HIPK3: variants seen among roughly 807,000 people sequenced by gnomAD.
HIPK3 encodes homeodomain-interacting protein kinase 3.
Under a neutral mutation model 124.2 loss-of-function variants are expected in HIPK3, and 47 were observed. That is an observed-to-expected ratio of 0.38 (90% CI 0.30 to 0.48). HIPK3 has a LOEUF of 0.48. HIPK3 is among the 20% of genes least tolerant of loss of function. The pLI, the probability that HIPK3 is intolerant of heterozygous loss-of-function variation, is 0.98. For missense variants in HIPK3, 1,286 were observed against 1,454.3 expected, an observed-to-expected ratio of 0.88 and a Z score of 1.88; for synonymous variants, 482 against 515.2, an observed-to-expected ratio of 0.94 and a Z score of 0.87.
At chr11:33,335,709 AG>A (rs1156624559) in intron 3 of HIPK3, 1 of 151,834 alleles carries the variant, frequency 6.6e-6, no homozygotes, top group East Asian at 1.9e-4. Context: ...GCTCAGAGGG[AG>A]GAAGAAATAG....
intron 3 of HIPK3, among the ~76,000 whole-genome samples, chr11:33,330,701 G>A (rs181283741): frequency 4.6e-5 from 7 of 152,128 alleles, no homozygotes; most frequent in Non-Finnish European, 7.4e-5. Flanking sequence ...TTTTGTGGGC[G>A]TCTTTGTTTT....
chr11:33,258,308 G>A, intron 1 of HIPK3: 2 of 985,400 alleles, frequency 2.0e-6, no homozygotes, highest in Non-Finnish European at 1.2e-6. Flanking sequence ...GTCCTAGGCC[G>A]TAACTACGGA....
intron 2 of HIPK3, among the ~76,000 whole-genome samples, chr11:33,316,299 A>T (rs1852500867): frequency 6.6e-6 from 1 of 152,220 alleles, no homozygotes; most frequent in African/African-American, 2.4e-5. Context: ...TTTGACAGTC[A>T]TCCTTCTGTT....
At chr11:33,277,532 C>G (rs1851304643) in intron 1 of HIPK3, among the ~76,000 whole-genome samples, 2 of 152,158 alleles carry the variant, frequency 1.3e-5, no homozygotes, top group South Asian at 4.1e-4. Flanking sequence ...ATGAGCCACA[C>G]TTGTACTGCA....
intron 1 of HIPK3, among the ~76,000 whole-genome samples, chr11:33,273,292 C>T (rs1367586805): frequency 6.6e-6 from 1 of 151,964 alleles, no homozygotes; most frequent in Non-Finnish European, 1.5e-5. Context: ...ATCACGAGGT[C>T]AGGAGATCAA....
chr11:33,347,208 A>C (rs1853520249), intron 8 of HIPK3, 85 bp from the exon 9 acceptor site: 1 of 1,315,344 alleles, frequency 7.6e-7, no homozygotes, highest in Non-Finnish European at 1.0e-6. Context: ...TCAGAATCTA[A>C]GCAATTCTTG....
chr11:33,340,904 G>T, intron 6 of HIPK3, 64 bp from the exon 7 acceptor site: 1 of 979,022 alleles, frequency 1.0e-6, no homozygotes, highest in Non-Finnish European at 1.5e-6. Flanking sequence ...TTTTGTCAAT[G>T]TACCTCAATT....
intron 2 of HIPK3, among the ~76,000 whole-genome samples, chr11:33,319,560 A>T (rs947823452): frequency 5.3e-5 from 8 of 151,092 alleles, no homozygotes; most frequent in Non-Finnish European, 7.4e-5. Flanking sequence ...GTATTTTTTT[A>T]AATTTTGTAG....
At chr11:33,297,384 G>A (rs1437353999) in intron 2 of HIPK3, among the ~76,000 whole-genome samples, 2 of 152,140 alleles carry the variant, frequency 1.3e-5, no homozygotes, top group South Asian at 2.1e-4. Flanking sequence ...GTGAGCCACC[G>A]CGCCCTGCTG....
At chr11:33,268,832 G>A (rs1468953840) in intron 1 of HIPK3, among the ~76,000 whole-genome samples, 1 of 151,818 alleles carries the variant, frequency 6.6e-6, no homozygotes, top group Non-Finnish European at 1.5e-5. Flanking sequence ...TACATCTGAA[G>A]GTCTATCTAG....
intron 6 of HIPK3, among the ~76,000 whole-genome samples, chr11:33,339,880 G>A (rs1853277436): frequency 6.6e-6 from 1 of 152,076 alleles, no homozygotes; most frequent in Non-Finnish European, 1.5e-5. Flanking sequence ...TACACTGTAG[G>A]TTCTATCATA....
chr11:33,307,400 G>GTTTTTT, intron 2 of HIPK3, among the ~76,000 whole-genome samples: 1 of 128,862 alleles, frequency 7.8e-6, no homozygotes, highest in Non-Finnish European at 1.6e-5. Context: ...TTTATGAAGT[G>GTTTTTT]TTTTTTTTTT....
chr11:33,330,923 G>A (rs1008435662), intron 3 of HIPK3, among the ~76,000 whole-genome samples: 2 of 149,206 alleles, frequency 1.3e-5, no homozygotes, highest in Admixed American at 6.7e-5. Flanking sequence ...TCACTCTGTC[G>A]CCCAGGCCTG....
intron 2 of HIPK3, among the ~76,000 whole-genome samples, chr11:33,327,652 G>A (rs1047859984): frequency 3.3e-5 from 5 of 152,120 alleles, no homozygotes; most frequent in African/African-American, 9.7e-5. Context: ...CAGATATTTG[G>A]CAAGTTATTC....
chr11:33,302,547 G>C (rs2133928862), intron 2 of HIPK3, among the ~76,000 whole-genome samples: 1 of 152,060 alleles, frequency 6.6e-6, no homozygotes. Context: ...ATGTGGCCAG[G>C]GTGGTCTCGA....
At chr11:33,281,525 T>C (rs1186131222) in intron 1 of HIPK3, among the ~76,000 whole-genome samples, 1 of 152,176 alleles carries the variant, frequency 6.6e-6, no homozygotes, top group Non-Finnish European at 1.5e-5. Context: ...TTGGAACAGG[T>C]GATACATGTA....
At chr11:33,288,796 G>A (rs928573428) in intron 2 of HIPK3, among the ~76,000 whole-genome samples, 1 of 152,192 alleles carries the variant, frequency 6.6e-6, no homozygotes, top group African/African-American at 2.4e-5. Context: ...AAGCCTGAGT[G>A]AATTTATGTT....
chr11:33,333,254 C>G (rs567349347), intron 3 of HIPK3, among the ~76,000 whole-genome samples: 1 of 152,048 alleles, frequency 6.6e-6, no homozygotes, highest in Non-Finnish European at 1.5e-5. Context: ...TAAGGCGACA[C>G]GAGAGGAATT....
chr11:33,278,640 C>A (rs980794540), intron 1 of HIPK3, among the ~76,000 whole-genome samples: 3 of 152,002 alleles, frequency 2.0e-5, no homozygotes, highest in Non-Finnish European at 4.4e-5. Context: ...GTCAGGAGAT[C>A]GAGACCATCC....
Sources: gnomAD v4.1 joint callset for allele counts (sites outside exome capture counted in the v4.1 genomes callset) on GRCh38, gnomAD v4.1.1 for gene constraint, MANE v1.5 for transcripts, NCBI Gene and HGNC (gene_info 2026-07-23, HGNC 2026-07-21) for gene names.